Variants in ZSCAN25 observed in about 807,000 individuals in gnomAD.
The protein encoded by ZSCAN25 is zinc finger and SCAN domain containing 25.
A neutral mutation model predicts 38.7 loss-of-function variants in ZSCAN25; 27 were observed. That is an observed-to-expected ratio of 0.70 (90% CI 0.51 to 0.96). The LOEUF is 0.96. ZSCAN25 is among the 40% of genes least tolerant of loss of function. The probability of loss-of-function intolerance (pLI) is 0.00; values close to 1 mark genes in which losing one functional copy is unlikely to be tolerated. For synonymous variants in ZSCAN25, 273 were observed against 277.7 expected (o/e 0.98, Z 0.17); for missense variants, 637 against 705.9 (o/e 0.90, Z 1.11).
the ZSCAN25 span, chr7:99,674,319 C>T: frequency 2.4e-6 from 1 of 423,724 alleles, no homozygotes. Flanking sequence ...TGTTTACCTC[C>T]CTGAATTTGC....
the ZSCAN25 span, chr7:99,700,174 A>T: frequency 1.6e-6 from 1 of 629,762 alleles, no homozygotes; most frequent in Non-Finnish European, 2.9e-6. Flanking sequence ...TGTGCTGGAG[A>T]AGGAGGCGGG....
At chr7:99,726,594 C>T in the ZSCAN25 span, among the ~76,000 whole-genome samples, 6,489 of 152,270 alleles carry the variant, frequency 0.043, 197 homozygotes, top group Middle Eastern at 0.088. Context: ...CCCTGACACC[C>T]ATCAGTCCCA....
chr7:99,640,053 C>T, the ZSCAN25 span, among the ~76,000 whole-genome samples: 1 of 152,188 alleles, frequency 6.6e-6, no homozygotes, highest in African/African-American at 2.4e-5. Flanking sequence ...GGTGACAGAG[C>T]AAGACACTGT....
the ZSCAN25 span, chr7:99,717,587 T>A: frequency 6.2e-7 from 1 of 1,613,758 alleles, no homozygotes; most frequent in Non-Finnish European, 8.5e-7. Flanking sequence ...CTTCCATTCT[T>A]CATCCTCAGC....
At chr7:99,647,920 A>G in the ZSCAN25 span, 1 of 981,954 alleles carries the variant, frequency 1.0e-6, no homozygotes, top group South Asian at 4.7e-5. Flanking sequence ...AACGTGATAT[A>G]AATGTCACTA....
At chr7:99,723,160 T>G in the ZSCAN25 span, among the ~76,000 whole-genome samples, 1 of 152,168 alleles carries the variant, frequency 6.6e-6, no homozygotes, top group Non-Finnish European at 1.5e-5. Flanking sequence ...TTCAGGCCTC[T>G]TAGCCCAAGC....
At chr7:99,717,608 G>C in the ZSCAN25 span, 1 of 1,613,616 alleles carries the variant, frequency 6.2e-7, no homozygotes, top group East Asian at 2.2e-5. Flanking sequence ...TATAGAGATG[G>C]CATTTTTCAT....
the ZSCAN25 span, among the ~76,000 whole-genome samples, chr7:99,736,683 C>T: frequency 6.6e-6 from 1 of 152,188 alleles, no homozygotes; most frequent in Non-Finnish European, 1.5e-5. Context: ...TCTCTTTATT[C>T]TTTCTCAGGT....
the ZSCAN25 span, chr7:99,717,083 C>G: frequency 3.9e-6 from 6 of 1,541,948 alleles, no homozygotes; most frequent in African/African-American, 1.4e-5. Flanking sequence ...TGTCTGGTCA[C>G]TGGAATAACC....
the ZSCAN25 span, among the ~76,000 whole-genome samples, chr7:99,703,838 A>G: frequency 6.6e-6 from 1 of 151,772 alleles, no homozygotes; most frequent in Non-Finnish European, 1.5e-5. Context: ...ACACCTCTCT[A>G]TGAACCCCTT....
the ZSCAN25 span, among the ~76,000 whole-genome samples, chr7:99,653,908 C>G: frequency 6.6e-6 from 1 of 152,204 alleles, no homozygotes; most frequent in South Asian, 2.1e-4. The surrounding 1 kb of genome is among the most constrained non-coding windows in gnomAD (Gnocchi z 4.2). Flanking sequence ...CAGTGGCTAC[C>G]TGACTGGAAC....
the ZSCAN25 span, among the ~76,000 whole-genome samples, chr7:99,731,682 T>C: frequency 6.6e-6 from 1 of 152,218 alleles, no homozygotes; most frequent in East Asian, 1.9e-4. Flanking sequence ...TTCCCTTCAC[T>C]CTAAGCTCTG....
At chr7:99,636,834 C>G (rs536348191), downstream of ZSCAN25, among the ~76,000 whole-genome samples, 1 of 152,226 alleles carries the variant, frequency 6.6e-6, no homozygotes, top group Non-Finnish European at 1.5e-5. Context: ...AGCGAGCACA[C>G]TGCTTACACA....
At chr7:99,667,476 T>C in the ZSCAN25 span, among the ~76,000 whole-genome samples, 1 of 152,200 alleles carries the variant, frequency 6.6e-6, no homozygotes, top group Non-Finnish European at 1.5e-5. Flanking sequence ...TTAATACACC[T>C]ACAGCATGGG....
chr7:99,664,487 A>G, the ZSCAN25 span, among the ~76,000 whole-genome samples: 447 of 152,352 alleles, frequency 2.9e-3, no homozygotes, highest in Non-Finnish European at 4.6e-3. Flanking sequence ...ATGTACATCA[A>G]CTTCCATGGA....
chr7:99,647,817 C>A, the ZSCAN25 span: 23 of 985,230 alleles, frequency 2.3e-5, no homozygotes, highest in Admixed American at 6.1e-5. Context: ...CTATAGATTT[C>A]TCTTTAGTGT....
chr7:99,685,009 C>T, the ZSCAN25 span: 1 of 659,810 alleles, frequency 1.5e-6, no homozygotes, highest in South Asian at 1.8e-5. Context: ...TACAGAATCC[C>T]TGGTTATTTA....
At chr7:99,713,683 A>G in the ZSCAN25 span, 1 of 1,047,042 alleles carries the variant, frequency 9.6e-7, no homozygotes, top group Non-Finnish European at 1.4e-6. Flanking sequence ...ACCAGTGAAA[A>G]GGAATATCCA....
the ZSCAN25 span, among the ~76,000 whole-genome samples, chr7:99,688,248 C>A: frequency 5.3e-5 from 8 of 152,122 alleles, no homozygotes; most frequent in Non-Finnish European, 1.0e-4. Flanking sequence ...AAAGTCAAGA[C>A]CCATCAGTGT....
Sources: gnomAD v4.1 joint callset for allele counts (sites outside exome capture counted in the v4.1 genomes callset) on GRCh38, gnomAD v4.1.1 for gene constraint, Gnocchi (gnomAD v3.1) non-coding constraint, MANE v1.5 for transcripts, NCBI Gene and HGNC (gene_info 2026-07-23, HGNC 2026-07-21) for gene names.